Variants in PFKM observed in about 807,000 individuals in gnomAD.
The protein encoded by PFKM is ATP-dependent 6-phosphofructokinase, muscle type.
PFKM carries 58 observed loss-of-function variants against 95.5 expected under a neutral mutation model. The observed-to-expected ratio is 0.61, with a 90% confidence interval of 0.49 to 0.76. The LOEUF (loss-of-function observed/expected upper bound fraction) is 0.76. Ranked by LOEUF, PFKM falls within the 30% of genes least tolerant of loss-of-function variation. The probability of loss-of-function intolerance (pLI) is 0.00; values close to 1 mark genes in which losing one functional copy is unlikely to be tolerated. For synonymous variants in PFKM, 336 were observed against 357.2 expected (o/e 0.94, Z 0.67); for missense variants, 678 against 1,005.4 (o/e 0.67, Z 4.40).
At chr12:48,105,966 C>T in exon 1 of PFKM, 1 of 698,208 alleles carries the variant, frequency 1.4e-6, no homozygotes, top group Non-Finnish European at 2.6e-6. Flanking sequence ...GGGTCCGACA[C>T]AGTCTCCTGG....
intron 3 of PFKM, among the ~76,000 whole-genome samples, chr12:48,110,305 T>G (rs2137561083): frequency 6.6e-6 from 1 of 152,260 alleles, no homozygotes; most frequent in South Asian, 2.1e-4. Flanking sequence ...AAGAGCCAGA[T>G]TGTGCAGTGC....
chr12:48,123,347 C>G (rs1948483709), intron 2 of PFKM, among the ~76,000 whole-genome samples: 1 of 152,082 alleles, frequency 6.6e-6, no homozygotes, highest in South Asian at 2.1e-4. Context: ...TCCTCCTCTT[C>G]CCTTTCATCA....
intron 11 of PFKM, among the ~76,000 whole-genome samples, chr12:48,138,678 G>C (rs559064538): frequency 6.6e-6 from 1 of 152,340 alleles, no homozygotes; most frequent in African/African-American, 2.4e-5. Context: ...TTTAGAGGCT[G>C]CTTTAAGGCC....
intron 20 of PFKM, among the ~76,000 whole-genome samples, chr12:48,144,473 C>G (rs1424232435): frequency 2.0e-5 from 3 of 152,174 alleles, no homozygotes; most frequent in Non-Finnish European, 2.9e-5. Flanking sequence ...CACTGTAGGA[C>G]AGTTGCACAG....
intron 3 of PFKM, among the ~76,000 whole-genome samples, chr12:48,111,932 C>T (rs964888688): frequency 3.9e-5 from 6 of 152,202 alleles, no homozygotes; most frequent in Admixed American, 1.3e-4. Context: ...GTTATGAGAG[C>T]TGTAGAGAGT....
At chr12:48,112,223 G>A (rs528328837) in intron 3 of PFKM, among the ~76,000 whole-genome samples, 1 of 152,290 alleles carries the variant, frequency 6.6e-6, no homozygotes, top group East Asian at 1.9e-4. Context: ...AAGGATTTAG[G>A]ATCTGTGGGG....
exon 1 of PFKM, chr12:48,105,983 C>A (rs955578449): frequency 1.4e-5 from 10 of 699,978 alleles, no homozygotes; most frequent in South Asian, 4.5e-5. Flanking sequence ...CTGGACCAGG[C>A]TCCCTCCATC....
At chr12:48,106,353 G>A (rs1946601715) in intron 1 of PFKM, 2 of 510,834 alleles carry the variant, frequency 3.9e-6, no homozygotes, top group South Asian at 5.2e-5. Context: ...TGTTCCCTCT[G>A]CTCCCTTACC....
At chr12:48,137,477 T>G in intron 10 of PFKM, 1 of 565,090 alleles carries the variant, frequency 1.8e-6, no homozygotes, top group Admixed American at 3.0e-5. Context: ...TTGATTACCA[T>G]AGTGGGCATG....
chr12:48,118,490 G>A (rs1369712539), upstream of PFKM: 1 of 1,478,852 alleles, frequency 6.8e-7, no homozygotes, highest in African/African-American at 1.4e-5. Flanking sequence ...AGAATGTGCA[G>A]AGGTAGAGAT....
At chr12:48,128,689 T>A (rs768160809) in intron 2 of PFKM, among the ~76,000 whole-genome samples, 4 of 152,200 alleles carry the variant, frequency 2.6e-5, no homozygotes, top group Non-Finnish European at 5.9e-5. Context: ...TAGCCTTGGA[T>A]TATTCAAAAG....
chr12:48,107,053 A>C (rs1279100839), intron 1 of PFKM, among the ~76,000 whole-genome samples: 1 of 152,128 alleles, frequency 6.6e-6, no homozygotes, highest in East Asian at 1.9e-4. Flanking sequence ...GTCTTAGAGA[A>C]ATGCCCCCTT....
chr12:48,131,747 C>A, intron 4 of PFKM: 1 of 372,072 alleles, frequency 2.7e-6, no homozygotes, highest in South Asian at 2.2e-5. Context: ...AGAAGTGGAG[C>A]TGAAATCTGC....
At chr12:48,119,503 C>T in intron 1 of PFKM, 97 bp downstream of exon 1, 5 of 702,154 alleles carry the variant, frequency 7.1e-6, no homozygotes, top group Non-Finnish European at 8.8e-6. Flanking sequence ...CTGAAAGGAG[C>T]AGAAAGGAAA....
rs193298317 is a variant in PFKM, at chr12:48,107,426, G to T, written c.53G>T (p.Arg18Leu). The T allele has an allele frequency of 6.6e-5, 106 of 1,598,474 alleles. No homozygotes were observed. The highest frequency in any genetic ancestry group is 1.7e-4 in the Admixed American group (10 of 59,998). Reference sequence around the variant, plus strand: ...TTTTTCATGTGTGTGATTCAGTCTCGCCAGTTAGTCAGGACTCCTCAGAGA... The same window carrying T: ...TTTTTCATGTGTGTGATTCAGTCTCTCCAGTTAGTCAGGACTCCTCAGAGA... The change falls in exon 2 of 25, where the codon CGC (arginine) becomes CTC (leucine). Residue 18 changes from arginine (R) to leucine (L), a missense_variant. Physicochemically the swap from Arg to Leu is moderately radical, Grantham distance 102 (BLOSUM62 -2). Coordinates refer to the PFKM transcript ENST00000340802.
At chr12:48,134,603 A>G in intron 7 of PFKM, 118 bp from the exon 8 acceptor site, 2 of 828,068 alleles carry the variant, frequency 2.4e-6, no homozygotes, top group Non-Finnish European at 4.1e-6. Context: ...CCCCACGAAT[A>G]AAATGGAGGC....
Position 48,146,108 on chromosome 12 carries a change from T to C in PFKM, c.*400T>C, listed in dbSNP as rs1951022791. ...TAAATGCCAACTGGTCACTGTGCTT[T>C]TGCTTCTCCTGTTATCATCTTCCTA... On this transcript the variant is annotated 3_prime_UTR_variant, in exon 23 of 23. Transcript: ENST00000359794. 1 of 258,204 alleles carries C rather than the reference T, an allele frequency of 3.9e-6. No individual in the cohort carries two copies. The highest frequency in any genetic ancestry group is 7.6e-6 in the Non-Finnish European group (1 of 130,848). 16.0% of individuals were successfully genotyped at this position (258,204 alleles called of 1,614,324 possible).
intron 4 of PFKM, chr12:48,132,327 C>G (rs1238723804): frequency 6.9e-6 from 2 of 289,294 alleles, no homozygotes; most frequent in Non-Finnish European, 1.3e-5. Flanking sequence ...CTGTGAATAC[C>G]TGGATATTGC....
Position 48,110,221 on chromosome 12 carries a change from G to A in PFKM, c.205+2027G>A, listed in dbSNP as rs190056697. The stretch of plus-strand genomic sequence containing the variant: ...AAAAGGGGACAATAGGCTGTGAAAC[G>A]GGAAAGAGCAGAATGGGCCAATGTG... On this transcript the variant is annotated intron_variant, in intron 3 of 24. Transcript: ENST00000340802. Among the ~76,000 whole-genome samples, 197 of 152,260 alleles carry A rather than the reference G, an allele frequency of 1.3e-3. 1 individual carries two copies. The highest frequency in any genetic ancestry group is 1.5e-4 in the Non-Finnish European group (10 of 68,010).
Sources: allele counts gnomAD v4.1 joint callset (sites outside exome capture counted in the v4.1 genomes callset), GRCh38; gene constraint gnomAD v4.1.1; transcripts MANE v1.5; gene names NCBI Gene and HGNC (gene_info 2026-07-23, HGNC 2026-07-21).